Variants in BMERB1 observed in about 807,000 individuals in gnomAD.
BMERB1 encodes the protein bMERB domain containing 1, also known as bMERB domain-containing protein 1.
In BMERB1, 12 loss-of-function variants were observed where a neutral mutation model predicts 23.6. That is an observed-to-expected ratio of 0.51 (90% confidence interval 0.33 to 0.82). BMERB1 has a LOEUF of 0.82. BMERB1 is among the 40% of genes least tolerant of loss of function. The pLI, the probability that BMERB1 is intolerant of heterozygous loss-of-function variation, is 0.03. For missense variants in BMERB1, 247 were observed against 255.4 expected, an observed-to-expected ratio of 0.97 and a Z score of 0.22; for synonymous variants, 122 against 96.6, an observed-to-expected ratio of 1.26 and a Z score of -1.54.
chr16:15,442,375 G>A (rs1179408663), intron 1 of BMERB1, among the ~76,000 whole-genome samples: 1 of 151,674 alleles, frequency 6.6e-6, no homozygotes, highest in East Asian at 1.9e-4. Context: ...ATTCTGCACT[G>A]TCTCTTGACA....
At chr16:15,538,180 C>T (rs1384338943) in intron 2 of BMERB1, among the ~76,000 whole-genome samples, 1 of 152,100 alleles carries the variant, frequency 6.6e-6, no homozygotes, top group African/African-American at 2.4e-5. Context: ...GGGCCGGATG[C>T]GTTGGCTCAT....
chr16:15,520,187 AAGT>A (rs138423066), intron 2 of BMERB1, among the ~76,000 whole-genome samples: 2,556 of 152,240 alleles, frequency 0.017, 74 homozygotes, highest in African/African-American at 0.059. Flanking sequence ...AGCTAGGATA[AAGT>A]AGTACCAGGA....
At chr16:15,574,915 C>T (rs1277650210) in intron 3 of BMERB1, among the ~76,000 whole-genome samples, 1 of 152,056 alleles carries the variant, frequency 6.6e-6, no homozygotes, top group Non-Finnish European at 1.5e-5. Context: ...CCCGTCTCTA[C>T]TAAAATTACA....
chr16:15,563,922 C>T (rs534198317), intron 2 of BMERB1, among the ~76,000 whole-genome samples: 4 of 152,244 alleles, frequency 2.6e-5, no homozygotes, highest in Admixed American at 1.3e-4. Flanking sequence ...GGGTGGATCC[C>T]CCATGAATAG....
At chr16:15,498,843 G>A (rs1389154623) in intron 1 of BMERB1, among the ~76,000 whole-genome samples, 1 of 152,240 alleles carries the variant, frequency 6.6e-6, no homozygotes, top group East Asian at 1.9e-4. Context: ...CTGGCAGCCA[G>A]TGGGCAGAGG....
At chr16:15,444,127 T>TTG (rs2050967958) in intron 1 of BMERB1, among the ~76,000 whole-genome samples, 11 of 72,150 alleles carry the variant, frequency 1.5e-4, no homozygotes, top group African/African-American at 4.7e-4. Flanking sequence ...AGCTTTGTTT[T>TTG]TTTTTTTTTT....
intron 1 of BMERB1, among the ~76,000 whole-genome samples, chr16:15,476,163 T>A (rs2150933528): frequency 7.0e-6 from 1 of 142,922 alleles, no homozygotes; most frequent in Non-Finnish European, 1.5e-5. Flanking sequence ...TCATTCACTT[T>A]TTTTTTTTTT....
chr16:15,587,305 T>C lies in BMERB1; in HGVS notation c.*476T>C. 1 of 233,262 alleles carries C rather than the reference T, an allele frequency of 4.3e-6. No individual in the cohort carries two copies. The highest frequency in any genetic ancestry group is 8.9e-6 in the Non-Finnish European group (1 of 112,000). 14.4% of individuals were successfully genotyped at this position (233,262 alleles called of 1,614,324 possible). On this transcript the variant is annotated 3_prime_UTR_variant, in exon 6 of 6. Coordinates refer to ENST00000300006, the MANE Select transcript of BMERB1 (RefSeq NM_033201.3). ...GGCACAGGTCCCCTCCCGTCTGTCC[T>C]CTCCCAGCAACTGTGCCCTGGAGGG...
At chr16:15,541,718 C>T (rs2052083577) in intron 2 of BMERB1, among the ~76,000 whole-genome samples, 1 of 150,654 alleles carries the variant, frequency 6.6e-6, no homozygotes, top group African/African-American at 2.4e-5. Flanking sequence ...TCTCCTGCCT[C>T]AGCCTCCCGA....
chr16:15,562,606 A>G (rs780654865), intron 2 of BMERB1, among the ~76,000 whole-genome samples: 2 of 152,110 alleles, frequency 1.3e-5, no homozygotes, highest in South Asian at 2.1e-4. Flanking sequence ...GATGTTTAGC[A>G]GTGTCCCTGG....
At chr16:15,571,396 C>A (rs909952825) in intron 3 of BMERB1, among the ~76,000 whole-genome samples, 4 of 150,774 alleles carry the variant, frequency 2.7e-5, no homozygotes, top group African/African-American at 9.8e-5. Flanking sequence ...CTCGCTCTGT[C>A]CCCCAGGCTG....
At chr16:15,557,606 AG>A (rs1277456615) in intron 2 of BMERB1, among the ~76,000 whole-genome samples, 1 of 152,218 alleles carries the variant, frequency 6.6e-6, no homozygotes, top group East Asian at 1.9e-4. Flanking sequence ...TCCGACGACT[AG>A]TGTCTTAAAT....
At chr16:15,516,822 T>C (rs1459931897) in intron 2 of BMERB1, among the ~76,000 whole-genome samples, 1 of 152,118 alleles carries the variant, frequency 6.6e-6, no homozygotes, top group African/African-American at 2.4e-5. Context: ...TCTTTCTGCT[T>C]TTAAAACACC....
intron 3 of BMERB1, among the ~76,000 whole-genome samples, chr16:15,573,154 A>G (rs1291415896): frequency 1.3e-5 from 2 of 152,184 alleles, no homozygotes; most frequent in Non-Finnish European, 2.9e-5. Context: ...TTGCAGTGGT[A>G]AAAAGGAAAC....
chr16:15,484,958 G>A (rs1598465166), intron 1 of BMERB1, among the ~76,000 whole-genome samples: 1 of 152,160 alleles, frequency 6.6e-6, no homozygotes, highest in African/African-American at 2.4e-5. Flanking sequence ...CCATCAGTAG[G>A]ACTCAGTTTT....
At chr16:15,552,504 G>GT (rs1282897709) in intron 2 of BMERB1, among the ~76,000 whole-genome samples, 1 of 152,202 alleles carries the variant, frequency 6.6e-6, no homozygotes, top group Non-Finnish European at 1.5e-5. Context: ...CTTCAAAGGA[G>GT]TGAAGGATGT....
chr16:15,537,052 T>A (rs1253661347), intron 2 of BMERB1: 1 of 152,196 alleles, frequency 6.6e-6, no homozygotes, highest in Non-Finnish European at 1.5e-5. Flanking sequence ...GTGTTTGTGG[T>A]CTCCCGTGGC....
At chr16:15,443,608 C>T (rs1283190171) in intron 1 of BMERB1, among the ~76,000 whole-genome samples, 1 of 151,920 alleles carries the variant, frequency 6.6e-6, no homozygotes, top group Non-Finnish European at 1.5e-5. Flanking sequence ...TATAATGAAA[C>T]ACATGCTAAA....
chr16:15,528,116 C>T (rs2051927493), intron 2 of BMERB1, among the ~76,000 whole-genome samples: 1 of 152,104 alleles, frequency 6.6e-6, no homozygotes, highest in Non-Finnish European at 1.5e-5. Context: ...AACAAAATTC[C>T]TTAGACTGGG....
Sources: gnomAD v4.1 joint callset for allele counts (sites outside exome capture counted in the v4.1 genomes callset) on GRCh38, gnomAD v4.1.1 for gene constraint, MANE v1.5 for transcripts, NCBI Gene and HGNC (gene_info 2026-07-23, HGNC 2026-07-21) for gene names.